The following KLF15 variants were observed in gnomAD, a reference collection of about 807,000 sequenced individuals.
The protein encoded by KLF15 is Krueppel-like factor 15.
Under a neutral mutation model 24.6 loss-of-function variants are expected in KLF15, and 4 were observed. The observed-to-expected ratio is 0.16, with a 90% confidence interval of 0.08 to 0.37. KLF15 has a LOEUF of 0.37. Among genes scored for constraint, KLF15 ranks in the 10% least tolerant of loss-of-function variants. The pLI is 1.00. For missense variants in KLF15, 496 were observed against 560.6 expected, an observed-to-expected ratio of 0.88 and a Z score of 1.16; for synonymous variants, 246 against 236.3, an observed-to-expected ratio of 1.04 and a Z score of -0.37.
At chr3:126,300,997 G>C in the KLF15 span, among the ~76,000 whole-genome samples, 3 of 152,190 alleles carry the variant, frequency 2.0e-5, no homozygotes, top group African/African-American at 7.2e-5. Flanking sequence ...GGTGAAGGTC[G>C]CACACACAAA....
At chr3:126,330,828 C>A in the KLF15 span, among the ~76,000 whole-genome samples, 1 of 152,196 alleles carries the variant, frequency 6.6e-6, no homozygotes, top group Non-Finnish European at 1.5e-5. Context: ...TCTATCTTTT[C>A]TCTTTTGTCA....
the KLF15 span, among the ~76,000 whole-genome samples, chr3:126,313,141 A>G: frequency 3.3e-3 from 503 of 152,270 alleles, 4 homozygotes; most frequent in African/African-American, 0.011. Context: ...GGGTGCTTGT[A>G]AGAAGAGGGG....
the KLF15 span, among the ~76,000 whole-genome samples, chr3:126,337,431 TGGGGGGA>T: frequency 1.4e-5 from 1 of 70,906 alleles, no homozygotes; most frequent in Middle Eastern, 0.01. Context: ...TGTTGTGGGG[TGGGGGGA>T]GGGGGGAGGG....
the KLF15 span, among the ~76,000 whole-genome samples, chr3:126,294,858 C>T: frequency 7.4e-6 from 1 of 135,598 alleles, no homozygotes; most frequent in Admixed American, 7.8e-5. Context: ...TGGCCCTGCC[C>T]CTCCATACAC....
the KLF15 span, among the ~76,000 whole-genome samples, chr3:126,323,499 T>C: frequency 7.4e-6 from 1 of 134,842 alleles, no homozygotes; most frequent in South Asian, 2.3e-4. Context: ...CATATATATA[T>C]ATAACTACTA....
At chr3:126,340,050 C>G (rs891117542), downstream of KLF15, among the ~76,000 whole-genome samples, 15 of 152,214 alleles carry the variant, frequency 9.9e-5, no homozygotes, top group Non-Finnish European at 1.6e-4. Flanking sequence ...CCATGGGGAG[C>G]TGAACTCACC....
the KLF15 span, chr3:126,293,968 C>T: frequency 2.4e-4 from 36 of 152,386 alleles, no homozygotes; most frequent in African/African-American, 8.4e-4. Context: ...TCCCAGTGCC[C>T]TCCTCTGTTC....
the KLF15 span, among the ~76,000 whole-genome samples, chr3:126,304,727 A>G: frequency 9.9e-5 from 15 of 152,220 alleles, no homozygotes; most frequent in African/African-American, 3.4e-4. Flanking sequence ...TTATTGCTTC[A>G]TGCAGGAAGA....
the KLF15 span, among the ~76,000 whole-genome samples, chr3:126,327,115 A>G: frequency 6.6e-6 from 1 of 152,192 alleles, no homozygotes; most frequent in Non-Finnish European, 1.5e-5. Context: ...GACATCGTTC[A>G]GGATTCTTCA....
chr3:126,312,559 G>A, the KLF15 span, among the ~76,000 whole-genome samples: 1 of 152,120 alleles, frequency 6.6e-6, no homozygotes, highest in Non-Finnish European at 1.5e-5. Flanking sequence ...TCCCTTAGGG[G>A]GCCCGCCTGG....
chr3:126,344,693 G>T (rs1407491119), intron 2 of KLF15, among the ~76,000 whole-genome samples: 6 of 152,246 alleles, frequency 3.9e-5, no homozygotes, highest in Non-Finnish European at 8.8e-5. Flanking sequence ...CCTGGGAGGA[G>T]GAAGCAGCAC....
the KLF15 span, among the ~76,000 whole-genome samples, chr3:126,292,950 T>C: frequency 1.3e-5 from 2 of 151,528 alleles, no homozygotes; most frequent in African/African-American, 4.9e-5. Context: ...GGGGAAAAAG[T>C]GATGGACTAA....
chr3:126,323,359 A>T, the KLF15 span, among the ~76,000 whole-genome samples: 1 of 136,268 alleles, frequency 7.3e-6, no homozygotes, highest in Non-Finnish European at 1.6e-5. Context: ...ACATCAGTGC[A>T]TATTTCCTAA....
At chr3:126,327,200 C>A in the KLF15 span, among the ~76,000 whole-genome samples, 1 of 152,096 alleles carries the variant, frequency 6.6e-6, no homozygotes. Flanking sequence ...TCTTTTGTGC[C>A]CTTGACACTT....
chr3:126,356,413 C>A lies in KLF15; in HGVS notation c.-26+824G>T, dbSNP rs574892789. The stretch of plus-strand genomic sequence containing the variant: ...TGAGAGGGGGGTTCCATGAGTAACA[C>A]CAAGGCGGGGAGGGAAGAGTGAACC... On this transcript the variant is annotated intron_variant, in intron 1 of 2. Coordinates refer to ENST00000296233, the MANE Select transcript of KLF15 (RefSeq NM_014079.4). The surrounding 1 kb of genome is among the most constrained non-coding windows in gnomAD (Gnocchi z 4.4). Among the ~76,000 whole-genome samples the A allele has an allele frequency of 6.6e-6, 1 of 152,316 alleles. No homozygotes were observed. The highest frequency in any genetic ancestry group is 2.1e-4 in the South Asian group (1 of 4,828).
At chr3:126,308,701 G>C in the KLF15 span, among the ~76,000 whole-genome samples, 2 of 152,170 alleles carry the variant, frequency 1.3e-5, no homozygotes, top group African/African-American at 4.8e-5. Context: ...AGACTCCTAC[G>C]TGGAAAGAAG....
downstream of KLF15, among the ~76,000 whole-genome samples, chr3:126,341,313 G>C (rs2082477756): frequency 6.6e-6 from 1 of 152,186 alleles, no homozygotes; most frequent in South Asian, 2.1e-4. Flanking sequence ...GGGGAGGTGA[G>C]CAGCGTGTCC....
chr3:126,320,036 T>C, the KLF15 span, among the ~76,000 whole-genome samples: 8 of 152,116 alleles, frequency 5.3e-5, no homozygotes, highest in African/African-American at 1.4e-4. Context: ...GGGGGATCAG[T>C]GTAGACCAGG....
the KLF15 span, among the ~76,000 whole-genome samples, chr3:126,314,188 A>T: frequency 6.6e-6 from 1 of 151,788 alleles, no homozygotes; most frequent in South Asian, 2.1e-4. Flanking sequence ...AGGATTCCTC[A>T]TGGGGGCTGG....
Sources: allele counts gnomAD v4.1 joint callset (sites outside exome capture counted in the v4.1 genomes callset), GRCh38; gene constraint gnomAD v4.1.1; non-coding constraint Gnocchi (gnomAD v3.1); transcripts MANE v1.5; gene names NCBI Gene and HGNC (gene_info 2026-07-23, HGNC 2026-07-21).